RELN: variants seen among roughly 807,000 people sequenced by gnomAD.
RELN encodes the protein reelin.
RELN carries 108 observed loss-of-function variants against 427.6 expected under a neutral mutation model. The observed-to-expected ratio is 0.25, with a 90% CI of 0.22 to 0.30. The LOEUF (loss-of-function observed/expected upper bound fraction) is 0.30, where lower values mean the gene tolerates loss of function less well. Ranked by LOEUF, RELN falls within the 10% of genes least tolerant of loss-of-function variation. The pLI, the probability that RELN is intolerant of heterozygous loss-of-function variation, is 1.00. For missense variants in RELN, 3,715 were observed against 4,302.8 expected, an observed-to-expected ratio of 0.86 and a Z score of 3.82; for synonymous variants, 1,524 against 1,513.4, an observed-to-expected ratio of 1.01 and a Z score of -0.16.
At chr7:103,935,142 T>C (rs1333977348) in intron 1 of RELN, among the ~76,000 whole-genome samples, 1 of 152,232 alleles carries the variant, frequency 6.6e-6, no homozygotes, top group Non-Finnish European at 1.5e-5. Context: ...CATTCCAGTT[T>C]CTGGAATCTC....
At chr7:103,493,846 T>C (rs1020923629) in intron 57 of RELN, among the ~76,000 whole-genome samples, 5 of 152,204 alleles carry the variant, frequency 3.3e-5, no homozygotes, top group Admixed American at 3.3e-4. Flanking sequence ...TTGGGTACGG[T>C]AAGTCTCTGC....
intron 3 of RELN, among the ~76,000 whole-genome samples, chr7:103,805,381 C>T (rs559565619): frequency 6.6e-6 from 1 of 152,318 alleles, no homozygotes; most frequent in South Asian, 2.1e-4. Context: ...GAAATGAGTA[C>T]ATATGTGTGG....
Position 103,640,217 on chromosome 7 carries a change from A to G in RELN, c.2069+326T>C, listed in dbSNP as rs542642343. Among the ~76,000 whole-genome samples, 1 of 152,276 alleles carries G rather than the reference A, an allele frequency of 6.6e-6. No individual in the cohort carries two copies. The highest frequency in any genetic ancestry group is 2.1e-4 in the South Asian group (1 of 4,822). On this transcript the variant is annotated intron_variant, in intron 17 of 64. Transcript: ENST00000428762. This position sits in a 1 kb window ranked among gnomAD's most constrained non-coding sequence, Gnocchi z 4.1. ...TTTACAAAGCATGCTAGGAATTACA[A>G]TGTGACTCATGAACACCCGAACAAG...
At chr7:103,587,389 T>C (rs1831301211) in intron 28 of RELN, among the ~76,000 whole-genome samples, 1 of 152,060 alleles carries the variant, frequency 6.6e-6, no homozygotes, top group African/African-American at 2.4e-5. Context: ...TCAAAATGGA[T>C]TGGACTTAAA....
At chr7:103,778,514 C>G (rs1413832973) in intron 3 of RELN, among the ~76,000 whole-genome samples, 1 of 152,192 alleles carries the variant, frequency 6.6e-6, no homozygotes, top group Non-Finnish European at 1.5e-5. Flanking sequence ...TTGTGCCAGC[C>G]TATGCTCCCA....
rs182682075 is a variant in RELN at position 103,836,406 on chromosome 7, T to A, written c.338-2734A>T. On this transcript the variant is annotated intron_variant, in intron 2 of 64. Coordinates refer to ENST00000428762, the MANE Select transcript of RELN (RefSeq NM_005045.4). The stretch of plus-strand genomic sequence containing the variant: ...CACATTCCACATGCTCAATAGCACA[T>A]GTGGCTCATGGCTGCCACACTGGAC... 2.4e-3 allele frequency among the ~76,000 whole-genome samples: 359 copies of A among 152,342 alleles called. 1 individual carries two copies. Among genetic ancestry groups the A allele is most frequent in the Non-Finnish European group, 4.5e-3 (305 of 68,026 alleles).
chr7:103,711,747 C>T (rs1189559401), intron 8 of RELN, among the ~76,000 whole-genome samples: 1 of 152,154 alleles, frequency 6.6e-6, no homozygotes. Flanking sequence ...GGCTCAACCT[C>T]CTGGGCTCAA....
intron 51 of RELN, 61 bp from the exon 52 acceptor site, chr7:103,503,291 G>C: frequency 2.7e-6 from 4 of 1,490,408 alleles, no homozygotes; most frequent in Non-Finnish European, 3.7e-6. Context: ...CTTCTCCAAG[G>C]ACTTGGCAGC....
chr7:103,880,870 A>G (rs1383657025), intron 2 of RELN, among the ~76,000 whole-genome samples: 1 of 151,672 alleles, frequency 6.6e-6, no homozygotes, highest in Non-Finnish European at 1.5e-5. Context: ...TTTTTTTTCT[A>G]GTTTTTGTAA....
At chr7:103,916,441 C>CA (rs964566104) in intron 2 of RELN, among the ~76,000 whole-genome samples, 3 of 152,064 alleles carry the variant, frequency 2.0e-5, no homozygotes, top group African/African-American at 7.2e-5. Context: ...TACTTAATCC[C>CA]AGCCTGGCAT....
chr7:103,978,279 C>T (rs1294299501), intron 1 of RELN, among the ~76,000 whole-genome samples: 1 of 150,744 alleles, frequency 6.6e-6, no homozygotes. Context: ...TCTATGAGTT[C>T]AACTTTTTTC....
chr7:103,740,397 G>A lies in RELN; in HGVS notation c.656+9029C>T, dbSNP rs144776974. On this transcript the variant is annotated intron_variant, in intron 6 of 64. Transcript: ENST00000428762. ...AATAAAGGTCTAATGTGGGAAGGAGGCTTACTTTTACTGCTTATATTTTTG... is the reference window on the plus strand; with the variant it reads ...AATAAAGGTCTAATGTGGGAAGGAGACTTACTTTTACTGCTTATATTTTTG... 7.7e-3 allele frequency among the ~76,000 whole-genome samples: 1,166 copies of A among 152,194 alleles called. 12 individuals are homozygous for A. Among genetic ancestry groups the A allele is most frequent in the Middle Eastern group, 0.044 (13 of 294 alleles).
chr7:103,657,038 G>T lies in RELN; in HGVS notation c.1442-2833C>A, dbSNP rs188792317. 1.1e-3 allele frequency among the ~76,000 whole-genome samples: 172 copies of T among 152,092 alleles called. 1 individual carries two copies. Among genetic ancestry groups the T allele is most frequent in the Non-Finnish European group, 1.6e-3 (111 of 67,978 alleles). On this transcript the variant is annotated intron_variant, in intron 12 of 64. Coordinates refer to ENST00000428762, the MANE Select transcript of RELN (RefSeq NM_005045.4). Reference sequence around the variant, plus strand: ...AGGTAAGTCTTGGAGGATGGTTTTTGCAAAGCATTGAAATCTGGCATGCTA... The same window carrying T: ...AGGTAAGTCTTGGAGGATGGTTTTTTCAAAGCATTGAAATCTGGCATGCTA...
At chr7:103,519,192 CT>C (rs1829642730) in intron 49 of RELN, 130 bp downstream of exon 49, 9 of 722,688 alleles carry the variant, frequency 1.2e-5, no homozygotes, top group Non-Finnish European at 1.9e-5. Context: ...AGAAACCCTT[CT>C]TCATTTCAGT....
intron 4 of RELN, among the ~76,000 whole-genome samples, chr7:103,774,493 T>A (rs1791687794): frequency 6.6e-6 from 1 of 152,146 alleles, no homozygotes; most frequent in Non-Finnish European, 1.5e-5. Context: ...AATTGTTTAA[T>A]TTAATTAAAA....
intron 3 of RELN, among the ~76,000 whole-genome samples, chr7:103,781,634 G>GT: frequency 6.6e-6 from 1 of 152,032 alleles, no homozygotes. Context: ...CTGAAATTTT[G>GT]TATCTTTGAC....
At chr7:103,916,208 C>T (rs188147472) in intron 2 of RELN, among the ~76,000 whole-genome samples, 4 of 152,162 alleles carry the variant, frequency 2.6e-5, no homozygotes, top group Admixed American at 1.3e-4. Context: ...GGACTTGACA[C>T]TTCATATATC....
chr7:103,645,336 C>T (rs750736923), intron 16 of RELN, among the ~76,000 whole-genome samples: 50 of 151,832 alleles, frequency 3.3e-4, no homozygotes, highest in South Asian at 4.2e-4. Context: ...TACAGATTGG[C>T]AGAATGGATT....
intron 64 of RELN, among the ~76,000 whole-genome samples, chr7:103,476,877 T>A (rs965241361): frequency 6.6e-6 from 1 of 152,198 alleles, no homozygotes; most frequent in Non-Finnish European, 1.5e-5. Flanking sequence ...AAATAAGAAG[T>A]GCAATGAACT....
Sources: gnomAD v4.1 joint callset for allele counts (sites outside exome capture counted in the v4.1 genomes callset) on GRCh38, gnomAD v4.1.1 for gene constraint, Gnocchi (gnomAD v3.1) non-coding constraint, MANE v1.5 for transcripts, NCBI Gene and HGNC (gene_info 2026-07-23, HGNC 2026-07-21) for gene names.